NTM: variants seen among roughly 807,000 people sequenced by gnomAD.
The protein encoded by NTM is IgLON family member 2.
Under a neutral mutation model 42.1 loss-of-function variants are expected in NTM, and 13 were observed. That is an observed-to-expected ratio of 0.31 (90% CI 0.20 to 0.49). The LOEUF (loss-of-function observed/expected upper bound fraction) is 0.49. Ranked by LOEUF, NTM falls within the 20% of genes least tolerant of loss-of-function variation. The pLI, the probability that NTM is intolerant of heterozygous loss-of-function variation, is 0.99. For synonymous variants in NTM, 187 were observed against 179.2 expected, an observed-to-expected ratio of 1.04 and a Z score of -0.35; for missense variants, 373 against 452.8, an observed-to-expected ratio of 0.82 and a Z score of 1.60.
At chr11:131,897,509 C>T (rs973995947) in intron 1 of NTM, among the ~76,000 whole-genome samples, 3 of 152,160 alleles carry the variant, frequency 2.0e-5, no homozygotes, top group African/African-American at 4.8e-5. Context: ...AAAGACACAG[C>T]ACAGGTCAGG....
Position 132,335,168 on chromosome 11 carries a change from C to A in NTM, c.*22C>A, listed in dbSNP as rs367919252. 6.2e-7 allele frequency: 1 copy of A among 1,610,484 alleles called. No individual in the cohort carries two copies. Among genetic ancestry groups the A allele is most frequent in the South Asian group, 1.1e-5 (1 of 90,986 alleles). Reference sequence around the variant, plus strand: ...TTGATGTGAGTGCCACTTCCCCACCCGGGAAAGGCTGCCGCCACCACCACC... The same window carrying A: ...TTGATGTGAGTGCCACTTCCCCACCAGGGAAAGGCTGCCGCCACCACCACC... On this transcript the variant is annotated 3_prime_UTR_variant, in exon 9 of 9. Transcript: ENST00000683400.
chr11:131,914,843 A>G (rs764621171), intron 2 of NTM, among the ~76,000 whole-genome samples: 1 of 152,206 alleles, frequency 6.6e-6, no homozygotes. Context: ...GGGAGTATCT[A>G]AGTGTTTTAA....
intron 4 of NTM, among the ~76,000 whole-genome samples, chr11:132,247,150 A>G (rs570872289): frequency 6.6e-6 from 1 of 152,180 alleles, no homozygotes; most frequent in South Asian, 2.1e-4. Context: ...CTTGACATGC[A>G]CACATCTCAG....
rs547628163 is a variant in NTM at position 131,610,221 on chromosome 11, G to T, written c.82+239333G>T. Among the ~76,000 whole-genome samples, 7 of 152,320 alleles carry T rather than the reference G, an allele frequency of 4.6e-5. No homozygotes were observed. The South Asian group carries it at 1.5e-3, about 32-fold the overall frequency. On this transcript the variant is annotated intron_variant, in intron 1 of 8. Transcript: ENST00000683400. ...AACTAGGGACTCCAGCAAGGGCGGA[G>T]TAAATGGAGTGCCTCCTCCACAGGG...
intron 1 of NTM, among the ~76,000 whole-genome samples, chr11:131,548,679 C>A (rs554725452): frequency 1.2e-4 from 18 of 152,284 alleles, no homozygotes; most frequent in African/African-American, 4.3e-4. Flanking sequence ...AGGTGTGAGA[C>A]TGACAAGTGT....
At chr11:132,218,469 G>A (rs766817258) in intron 4 of NTM, among the ~76,000 whole-genome samples, 79 of 152,260 alleles carry the variant, frequency 5.2e-4, no homozygotes, top group Admixed American at 5.9e-4. Context: ...CTGAAACCTG[G>A]AAGTCGCCCA....
intron 2 of NTM, among the ~76,000 whole-genome samples, chr11:132,052,314 A>T (rs1226371777): frequency 6.6e-6 from 1 of 152,124 alleles, no homozygotes. Flanking sequence ...ATGTTCTTGG[A>T]CACCAGCATT....
intron 1 of NTM, among the ~76,000 whole-genome samples, chr11:131,710,430 G>T (rs183083581): frequency 1.3e-5 from 2 of 152,046 alleles, no homozygotes; most frequent in Non-Finnish European, 2.9e-5. Context: ...AAGAGAGTAG[G>T]GGCAGGGAGG....
chr11:132,292,225 A>G (rs1349588874), intron 4 of NTM, among the ~76,000 whole-genome samples: 1 of 152,216 alleles, frequency 6.6e-6, no homozygotes, highest in Non-Finnish European at 1.5e-5. Flanking sequence ...CAGTTACTGT[A>G]AAGTATGAAT....
At chr11:131,561,689 C>T (rs2056247809) in intron 1 of NTM, among the ~76,000 whole-genome samples, 1 of 131,532 alleles carries the variant, frequency 7.6e-6, no homozygotes, top group South Asian at 2.5e-4. Flanking sequence ...TTGTTAGTAT[C>T]CCAGATACTC....
intron 1 of NTM, among the ~76,000 whole-genome samples, chr11:131,886,310 G>A (rs929950582): frequency 6.6e-6 from 1 of 152,184 alleles, no homozygotes; most frequent in Non-Finnish European, 1.5e-5. Flanking sequence ...CAATGGAAGG[G>A]CCTTGGACCT....
intron 1 of NTM, among the ~76,000 whole-genome samples, chr11:131,815,166 C>A (rs758245001): frequency 1.3e-5 from 2 of 152,168 alleles, no homozygotes; most frequent in Non-Finnish European, 2.9e-5. Context: ...ACTTTCCCGG[C>A]CCTCTCATCC....
At chr11:132,297,793 C>T (rs879593358) in intron 4 of NTM, among the ~76,000 whole-genome samples, 3 of 152,092 alleles carry the variant, frequency 2.0e-5, no homozygotes, top group Admixed American at 2.0e-4. Context: ...CAAGGGGGTA[C>T]CAAGCCGTGT....
At chr11:132,139,417 TG>T (rs1194791666) in intron 2 of NTM, among the ~76,000 whole-genome samples, 3 of 152,238 alleles carry the variant, frequency 2.0e-5, no homozygotes, top group Non-Finnish European at 4.4e-5. Context: ...AAATTAGTGT[TG>T]GGCTTTTGTT....
Position 132,108,800 on chromosome 11 carries a change from A to G in NTM, c.168-37482A>G, listed in dbSNP as rs550046893. Among the ~76,000 whole-genome samples the G allele has an allele frequency of 1.7e-3, 253 of 152,226 alleles. 3 individuals are homozygous for G. The highest frequency in any genetic ancestry group is 6.0e-3 in the African/African-American group (248 of 41,552). On this transcript the variant is annotated intron_variant, in intron 2 of 8. Transcript: ENST00000683400. Reference sequence around the variant, plus strand: ...TACATGTGCCATTGTGGTTTGCTGCACCCATCAACTCATCATCTACGTTAG... The same window carrying G: ...TACATGTGCCATTGTGGTTTGCTGCGCCCATCAACTCATCATCTACGTTAG...
At chr11:131,387,343 A>C (rs1444650969) in intron 1 of NTM, among the ~76,000 whole-genome samples, 3 of 150,520 alleles carry the variant, frequency 2.0e-5, no homozygotes, top group Non-Finnish European at 4.4e-5. Flanking sequence ...TGTCCCCAGC[A>C]CTCCCCTCTT....
At chr11:132,328,452 C>T (rs1218583564) in intron 7 of NTM, among the ~76,000 whole-genome samples, 1 of 152,030 alleles carries the variant, frequency 6.6e-6, no homozygotes, top group African/African-American at 2.4e-5. Context: ...AAAAAAACCC[C>T]ATCTGGATGG....
At chr11:131,603,435 G>A (rs2060656805) in intron 1 of NTM, among the ~76,000 whole-genome samples, 1 of 152,076 alleles carries the variant, frequency 6.6e-6, no homozygotes, top group African/African-American at 2.4e-5. Flanking sequence ...GTTGGTCCAT[G>A]GACTATAGTT....
chr11:132,016,331 A>G (rs187505788), intron 2 of NTM, among the ~76,000 whole-genome samples: 2 of 152,002 alleles, frequency 1.3e-5, no homozygotes, highest in East Asian at 3.9e-4. Context: ...CCTTGTGGCT[A>G]CCCACAGTTA....
Sources: allele counts gnomAD v4.1 joint callset (sites outside exome capture counted in the v4.1 genomes callset), GRCh38; gene constraint gnomAD v4.1.1; transcripts MANE v1.5; gene names NCBI Gene and HGNC (gene_info 2026-07-23, HGNC 2026-07-21).